The following DCDC2 variants were observed in gnomAD, a reference collection of about 807,000 sequenced individuals.
The protein encoded by DCDC2 is doublecortin domain containing 2.
In DCDC2, 40 loss-of-function variants were observed where a neutral mutation model predicts 50.2. The ratio of observed to expected loss-of-function variants is 0.80; its 90% CI spans 0.62 to 1.04. The LOEUF (loss-of-function observed/expected upper bound fraction) is 1.04, where lower values mean the gene tolerates loss of function less well. Ranked by LOEUF, DCDC2 falls within the 50% of genes least tolerant of loss-of-function variation. The pLI, the probability that DCDC2 is intolerant of heterozygous loss-of-function variation, is 0.00. For synonymous variants in DCDC2, 234 were observed against 210.6 expected, an observed-to-expected ratio of 1.11 and a Z score of -0.96; for missense variants, 570 against 581.9, an observed-to-expected ratio of 0.98 and a Z score of 0.21.
At position 24,234,251 on chromosome 6, in the gene DCDC2, G is replaced by A. The variant is rs114166971; in HGVS notation, c.923-29149C>T. On this transcript the variant is annotated intron_variant, in intron 7 of 9. Coordinates refer to ENST00000378454, the MANE Select transcript of DCDC2 (RefSeq NM_016356.5). ...ACCATAAAAAAAAAAAAAATCGCACGGGGCACAGAGGAAATTACAAGCCAT... is the reference window on the plus strand; with the variant it reads ...ACCATAAAAAAAAAAAAAATCGCACAGGGCACAGAGGAAATTACAAGCCAT... 9.2e-3 allele frequency among the ~76,000 whole-genome samples: 1,403 copies of A among 152,134 alleles called. 11 individuals are homozygous for A. Among genetic ancestry groups the A allele is most frequent in the African/African-American group, 0.018 (739 of 41,506 alleles).
At chr6:24,236,569 T>A (rs1231950245) in intron 7 of DCDC2, among the ~76,000 whole-genome samples, 2 of 152,072 alleles carry the variant, frequency 1.3e-5, no homozygotes, top group African/African-American at 4.8e-5. Flanking sequence ...CTAAAGAGCT[T>A]CTGCACACCA....
intron 2 of DCDC2, among the ~76,000 whole-genome samples, chr6:24,348,818 A>G (rs1442058737): frequency 6.6e-6 from 1 of 152,154 alleles, no homozygotes; most frequent in African/African-American, 2.4e-5. Context: ...AATCATAGCT[A>G]GTTTACTTCT....
intron 7 of DCDC2, among the ~76,000 whole-genome samples, chr6:24,231,361 C>A (rs756696913): frequency 6.6e-6 from 1 of 152,090 alleles, no homozygotes; most frequent in Non-Finnish European, 1.5e-5. Flanking sequence ...TTTCTGAGAC[C>A]CAGGCCAGGA....
rs532682969 is a variant in DCDC2, at chr6:24,229,168, G to T, written c.923-24066C>A. Among the ~76,000 whole-genome samples the T allele has an allele frequency of 9.9e-5, 15 of 152,256 alleles. No individual in the cohort carries two copies. In the South Asian group the frequency reaches 3.1e-3, roughly 32 times the overall value. On this transcript the variant is annotated intron_variant, in intron 7 of 9. Transcript: ENST00000378454. ...ACAGTTCTGGAGGCCAGAGTCTGAG[G>T]CACATCTCACTGGGCTAAAATCAAG...
intron 9 of DCDC2, among the ~76,000 whole-genome samples, chr6:24,176,276 G>A (rs1760908076): frequency 6.6e-6 from 1 of 151,880 alleles, no homozygotes; most frequent in South Asian, 2.1e-4. Context: ...AGCCTGGGTA[G>A]CAGAGTGAGA....
intron 4 of DCDC2, among the ~76,000 whole-genome samples, chr6:24,301,065 C>T (rs1052972724): frequency 8.5e-5 from 10 of 117,686 alleles, no homozygotes; most frequent in African/African-American, 3.2e-4. Context: ...AAAAAAAAAA[C>T]GGACAATTAA....
intron 8 of DCDC2, among the ~76,000 whole-genome samples, chr6:24,200,730 C>A (rs748392873): frequency 7.9e-5 from 12 of 151,636 alleles, no homozygotes; most frequent in Non-Finnish European, 1.3e-4. Context: ...CAAGACCCAT[C>A]GGTGTGCTGT....
chr6:24,224,649 G>C (rs1441567619), intron 7 of DCDC2, among the ~76,000 whole-genome samples: 1 of 152,150 alleles, frequency 6.6e-6, no homozygotes, highest in Non-Finnish European at 1.5e-5. Context: ...GTTGCCCAAG[G>C]ATGAGAGGGA....
At chr6:24,245,219 CA>C (rs1262974474) in intron 7 of DCDC2, among the ~76,000 whole-genome samples, 1 of 152,068 alleles carries the variant, frequency 6.6e-6, no homozygotes, top group East Asian at 1.9e-4. Context: ...TAGCTGAGCT[CA>C]AAAGAAAGGG....
At chr6:24,210,019 G>GGTGTGTGTGTGTGTGT (rs71002475) in intron 7 of DCDC2, among the ~76,000 whole-genome samples, 22 of 145,272 alleles carry the variant, frequency 1.5e-4, no homozygotes, top group South Asian at 4.4e-4. Context: ...GCAGTATCAG[G>GGTGTGTGTGTGTGTGT]GTGTGTGTGT....
intron 8 of DCDC2, among the ~76,000 whole-genome samples, chr6:24,193,252 T>C (rs1179265292): frequency 2.0e-5 from 3 of 151,448 alleles, no homozygotes; most frequent in Non-Finnish European, 1.5e-5. Flanking sequence ...TAGAGGTGAG[T>C]TCCACAAAAA....
At chr6:24,353,060 G>A (rs147002765) in intron 2 of DCDC2, among the ~76,000 whole-genome samples, 35 of 152,220 alleles carry the variant, frequency 2.3e-4, no homozygotes, top group Middle Eastern at 3.4e-3. Context: ...AAGCTTTCAC[G>A]AACTATGCTT....
chr6:24,279,751 T>C (rs1203030950), intron 6 of DCDC2, among the ~76,000 whole-genome samples: 1 of 152,242 alleles, frequency 6.6e-6, no homozygotes, highest in African/African-American at 2.4e-5. Flanking sequence ...GCTACTGCTC[T>C]GCCACTGAAC....
chr6:24,357,363 A>C, intron 1 of DCDC2, 95 bp downstream of exon 1: 1 of 1,395,530 alleles, frequency 7.2e-7, no homozygotes, highest in Non-Finnish European at 9.6e-7. Flanking sequence ...CCCCTCAACC[A>C]CTGAGGTGTG....
chr6:24,195,141 C>G (rs1403216457), intron 8 of DCDC2, among the ~76,000 whole-genome samples: 1 of 152,068 alleles, frequency 6.6e-6, no homozygotes, highest in Non-Finnish European at 1.5e-5. Context: ...CTGCACTCTG[C>G]TAGCAAGAGA....
rs1291368627 is a variant in DCDC2, at chr6:24,173,826, T to C, written c.*904A>G. 1 of 152,214 alleles carries C rather than the reference T, an allele frequency of 6.6e-6. No homozygotes were observed. The highest frequency in any genetic ancestry group is 1.5e-5 in the Non-Finnish European group (1 of 68,024). 9.4% of individuals were successfully genotyped at this position (152,214 alleles called of 1,614,324 possible). ...GTCACAAACTCTTCATATAGTCTAC[T>C]TTTTTCTTCCTAATACACTTTTATT... On this transcript the variant is annotated 3_prime_UTR_variant, in exon 10 of 10. Coordinates refer to ENST00000378454, the MANE Select transcript of DCDC2 (RefSeq NM_016356.5).
At chr6:24,185,916 G>A (rs1761193612) in intron 8 of DCDC2, among the ~76,000 whole-genome samples, 1 of 152,116 alleles carries the variant, frequency 6.6e-6, no homozygotes, top group Non-Finnish European at 1.5e-5. Context: ...AGAGGAATCT[G>A]GTACCACTCA....
chr6:24,343,936 A>G (rs917742170), intron 2 of DCDC2, among the ~76,000 whole-genome samples: 4 of 152,204 alleles, frequency 2.6e-5, no homozygotes, highest in South Asian at 2.1e-4. Context: ...GCTAGTTAAC[A>G]TATCTATCAC....
chr6:24,347,183 A>C (rs1475858121), intron 2 of DCDC2, among the ~76,000 whole-genome samples: 1 of 152,218 alleles, frequency 6.6e-6, no homozygotes, highest in Non-Finnish European at 1.5e-5. Flanking sequence ...AATAAAGTTT[A>C]AAAGCTATTT....
Sources: allele counts gnomAD v4.1 joint callset (sites outside exome capture counted in the v4.1 genomes callset), GRCh38; gene constraint gnomAD v4.1.1; transcripts MANE v1.5; gene names NCBI Gene and HGNC (gene_info 2026-07-23, HGNC 2026-07-21).